Variants in SGPP2 observed in about 807,000 individuals in gnomAD.
The protein encoded by SGPP2 is sphingosine-1-phosphate phosphatase 2.
In SGPP2, 30 loss-of-function variants were observed where a neutral mutation model predicts 33.9. That is an observed-to-expected ratio of 0.89 (90% CI 0.66 to 1.20). SGPP2 has a LOEUF of 1.20. Among genes scored for constraint, SGPP2 ranks in the 50% most tolerant of loss-of-function variants. The probability of loss-of-function intolerance (pLI) is 0.00; values close to 1 mark genes in which losing one functional copy is unlikely to be tolerated. For synonymous variants in SGPP2, 233 were observed against 225.0 expected (o/e 1.04, Z -0.32); for missense variants, 458 against 532.1 (o/e 0.86, Z 1.37).
rs1188315796 is a variant in SGPP2 at position 222,477,757 on chromosome 2, A to G, written c.378+3031A>G. ...AAAACTTTCCCTGAGAGCTGGGAAG[A>G]CCTCTAGACTCTATAGAAGGCTGTG... On this transcript the variant is annotated intron_variant, in intron 2 of 4. Transcript: ENST00000321276. This position sits in a 1 kb window ranked among gnomAD's most constrained non-coding sequence, Gnocchi z 6.0. Among the ~76,000 whole-genome samples, 1 of 152,026 alleles carries G rather than the reference A, an allele frequency of 6.6e-6. No individual in the cohort carries two copies. The highest frequency in any genetic ancestry group is 2.4e-5 in the African/African-American group (1 of 41,348).
At chr2:222,475,155 T>C (rs1233380449) in intron 2 of SGPP2, among the ~76,000 whole-genome samples, 3 of 152,220 alleles carry the variant, frequency 2.0e-5, no homozygotes, top group East Asian at 3.9e-4. Context: ...TGAGGTCAGG[T>C]GCCTCCCAGG....
At chr2:222,462,505 A>C (rs1697678842) in intron 1 of SGPP2, among the ~76,000 whole-genome samples, 1 of 152,202 alleles carries the variant, frequency 6.6e-6, no homozygotes, top group Admixed American at 6.5e-5. Flanking sequence ...AAACGCAGCA[A>C]AACTGGATCT....
chr2:222,510,906 C>T (rs879887336), intron 2 of SGPP2, among the ~76,000 whole-genome samples: 5 of 152,082 alleles, frequency 3.3e-5, no homozygotes, highest in Admixed American at 6.5e-5. Context: ...GGAGGAGAAG[C>T]GTCTTATATT....
In SGPP2 at chr2:222,558,953, G is replaced by C; in HGVS notation, c.*55G>C. On this transcript the variant is annotated 3_prime_UTR_variant, in exon 5 of 5. Coordinates refer to ENST00000321276, the MANE Select transcript of SGPP2 (RefSeq NM_152386.4). ...GACATGAAAGCCAAGACATAGGAAA[G>C]TTATTGGTAGGCAAATCTTGACAAC... is the stretch of plus-strand genomic sequence containing the variant. 6.5e-7 allele frequency: 1 copy of C among 1,534,788 alleles called. No homozygotes were observed. Among genetic ancestry groups the C allele is most frequent in the African/African-American group, 1.4e-5 (1 of 72,416 alleles).
intron 2 of SGPP2, among the ~76,000 whole-genome samples, chr2:222,501,694 G>T (rs550348007): frequency 1.3e-5 from 2 of 152,192 alleles, no homozygotes; most frequent in African/African-American, 4.8e-5. Context: ...CTTGTCTCAG[G>T]GTAAGTCAAG....
rs1480599090 is a variant in SGPP2, at chr2:222,465,370, C to T, written c.220-9198C>T. Among the ~76,000 whole-genome samples, 1 of 152,060 alleles carries T rather than the reference C, an allele frequency of 6.6e-6. No individual in the cohort carries two copies. Among genetic ancestry groups the T allele is most frequent in the Non-Finnish European group, 1.5e-5 (1 of 68,024 alleles). On this transcript the variant is annotated intron_variant, in intron 1 of 4. Coordinates refer to ENST00000321276, the MANE Select transcript of SGPP2 (RefSeq NM_152386.4). The surrounding 1 kb of genome is among the most constrained non-coding windows in gnomAD (Gnocchi z 4.1). ...GACACTGTCAGTCTTTCTTAGGCTTCCTGAGTAATCATCATTTAATTTTCT... is the reference window on the plus strand; with the variant it reads ...GACACTGTCAGTCTTTCTTAGGCTTTCTGAGTAATCATCATTTAATTTTCT...
At chr2:222,515,020 TAAA>T in intron 2 of SGPP2, among the ~76,000 whole-genome samples, 1 of 141,558 alleles carries the variant, frequency 7.1e-6, no homozygotes. Flanking sequence ...ATTCTTTCAT[TAAA>T]AAAAAAAAAA....
chr2:222,449,658 A>G (rs990406176), intron 1 of SGPP2, among the ~76,000 whole-genome samples: 7 of 152,112 alleles, frequency 4.6e-5, no homozygotes, highest in African/African-American at 1.7e-4. Context: ...TCTAGTAGAG[A>G]TGGGGTTTCA....
chr2:222,506,122 C>G (rs1366877754), intron 2 of SGPP2, among the ~76,000 whole-genome samples: 1 of 152,178 alleles, frequency 6.6e-6, no homozygotes, highest in Admixed American at 6.5e-5. Context: ...ATAGCTACCT[C>G]TTGTTATTGT....
At chr2:222,437,616 G>A (rs1285764141) in intron 1 of SGPP2, among the ~76,000 whole-genome samples, 1 of 152,184 alleles carries the variant, frequency 6.6e-6, no homozygotes, top group South Asian at 2.1e-4. Flanking sequence ...TTCAGGACCT[G>A]CTCTAGCCCA....
At position 222,508,187 on chromosome 2, in the gene SGPP2, T is replaced by G. The variant is rs116011179; in HGVS notation, c.379-13580T>G. 2.7e-3 allele frequency among the ~76,000 whole-genome samples: 416 copies of G among 152,342 alleles called. 1 individual carries two copies. Among genetic ancestry groups the G allele is most frequent in the African/African-American group, 9.5e-3 (395 of 41,590 alleles). Reference sequence around the variant, plus strand: ...CCCAAGGACACTCAGCGTCCTCTATTGAGCTCCGGATGGATCTAAAGAATT... The same window carrying G: ...CCCAAGGACACTCAGCGTCCTCTATGGAGCTCCGGATGGATCTAAAGAATT... On this transcript the variant is annotated intron_variant, in intron 2 of 4. Coordinates refer to ENST00000321276, the MANE Select transcript of SGPP2 (RefSeq NM_152386.4).
intron 2 of SGPP2, among the ~76,000 whole-genome samples, chr2:222,483,533 A>G (rs1335389369): frequency 2.0e-5 from 3 of 152,236 alleles, no homozygotes; most frequent in Non-Finnish European, 4.4e-5. Context: ...TTTAAATTGG[A>G]CATACTATTT....
chr2:222,500,980 T>G (rs1698358365), intron 2 of SGPP2, among the ~76,000 whole-genome samples: 1 of 152,172 alleles, frequency 6.6e-6, no homozygotes, highest in Non-Finnish European at 1.5e-5. Flanking sequence ...TTGGAGACAA[T>G]CATCTGCTGT....
At chr2:222,473,999 T>C (rs1196942515) in intron 1 of SGPP2, among the ~76,000 whole-genome samples, 1 of 152,100 alleles carries the variant, frequency 6.6e-6, no homozygotes, top group Non-Finnish European at 1.5e-5. Flanking sequence ...GATAAATGTT[T>C]GAGGTGACAG....
intron 1 of SGPP2, among the ~76,000 whole-genome samples, chr2:222,442,863 C>G (rs775129926): frequency 3.9e-5 from 6 of 152,076 alleles, no homozygotes; most frequent in Non-Finnish European, 1.5e-5. Flanking sequence ...GTTTTATAGC[C>G]CTCAATATTA....
chr2:222,528,764 GCAC>G (rs1698797053), intron 4 of SGPP2, among the ~76,000 whole-genome samples: 1 of 152,130 alleles, frequency 6.6e-6, no homozygotes, highest in Non-Finnish European at 1.5e-5. Flanking sequence ...CTACAGGCAT[GCAC>G]CACCACATCT....
intron 1 of SGPP2, 99 bp downstream of exon 1, chr2:222,424,920 G>A (rs1254486382): frequency 1.9e-6 from 2 of 1,032,508 alleles, no homozygotes; most frequent in East Asian, 3.4e-5. Context: ...GGCCGAGAGG[G>A]CGCCGTCCCC....
intron 4 of SGPP2, among the ~76,000 whole-genome samples, chr2:222,553,277 T>C (rs757006614): frequency 6.6e-6 from 1 of 152,228 alleles, no homozygotes; most frequent in Non-Finnish European, 1.5e-5. Flanking sequence ...AATAAGATCT[T>C]GATGGAAGCG....
intron 1 of SGPP2, chr2:222,452,351 T>A: frequency 1.4e-6 from 1 of 697,672 alleles, no homozygotes; most frequent in Non-Finnish European, 2.6e-6. Flanking sequence ...AGAGGAAGGA[T>A]TCAGCCAGTG....
Sources: allele counts gnomAD v4.1 joint callset (sites outside exome capture counted in the v4.1 genomes callset), GRCh38; gene constraint gnomAD v4.1.1; non-coding constraint Gnocchi (gnomAD v3.1); transcripts MANE v1.5; gene names NCBI Gene and HGNC (gene_info 2026-07-23, HGNC 2026-07-21).